Variants in ZNF827 observed in about 807,000 individuals in gnomAD.
ZNF827 encodes zinc finger protein 827.
ZNF827 carries 13 observed loss-of-function variants against 102.4 expected under a neutral mutation model. The ratio of observed to expected loss-of-function variants is 0.13; its 90% CI spans 0.08 to 0.20. ZNF827 has a LOEUF of 0.20. Among genes scored for constraint, ZNF827 ranks in the 10% least tolerant of loss-of-function variants. The pLI is 1.00. For synonymous variants in ZNF827, 523 were observed against 536.2 expected (o/e 0.98, Z 0.34); for missense variants, 1,103 against 1,344.4 (o/e 0.82, Z 2.81).
intron 11 of ZNF827, among the ~76,000 whole-genome samples, chr4:145,771,745 G>A (rs1372239227): frequency 6.6e-6 from 1 of 152,200 alleles, no homozygotes; most frequent in African/African-American, 2.4e-5. Flanking sequence ...CATGGGTTCT[G>A]TAGGAGACTA....
chr4:145,819,521 C>T (rs1742940005), intron 8 of ZNF827, among the ~76,000 whole-genome samples: 1 of 152,202 alleles, frequency 6.6e-6, no homozygotes, highest in African/African-American at 2.4e-5. Flanking sequence ...AATCACCTGA[C>T]CTCGGAATCT....
intron 4 of ZNF827, among the ~76,000 whole-genome samples, chr4:145,880,874 T>G (rs2126802112): frequency 6.6e-6 from 1 of 152,304 alleles, no homozygotes; most frequent in African/African-American, 2.4e-5. Context: ...ACTGCCGTCG[T>G]AGGGTGTGAA....
At chr4:145,898,471 T>C (rs980493989) in intron 2 of ZNF827, among the ~76,000 whole-genome samples, 1 of 152,214 alleles carries the variant, frequency 6.6e-6, no homozygotes. Flanking sequence ...CTTGTTGGCC[T>C]TCTACAAGAA....
intron 7 of ZNF827, chr4:145,830,449 T>C (rs1461575436): frequency 3.3e-5 from 5 of 152,212 alleles, no homozygotes; most frequent in African/African-American, 1.2e-4. Flanking sequence ...GAAAATAAGG[T>C]CACAACTGAA....
chr4:145,826,500 C>CA (rs1440401069), intron 7 of ZNF827, among the ~76,000 whole-genome samples: 1 of 152,146 alleles, frequency 6.6e-6, no homozygotes, highest in Non-Finnish European at 1.5e-5. Flanking sequence ...TCTGTGATTT[C>CA]AGTTATCCAC....
chr4:145,882,637 C>A (rs1033012455), intron 4 of ZNF827, among the ~76,000 whole-genome samples: 1 of 152,122 alleles, frequency 6.6e-6, no homozygotes, highest in Non-Finnish European at 1.5e-5. Flanking sequence ...AGAAAGACTC[C>A]CCTTAATAAC....
At chr4:145,805,789 C>T (rs529467991) in intron 8 of ZNF827, among the ~76,000 whole-genome samples, 3 of 152,072 alleles carry the variant, frequency 2.0e-5, no homozygotes, top group African/African-American at 4.8e-5. Context: ...CTGTCACTTC[C>T]GCGGTCAAGC....
At chr4:145,900,773 A>G (rs35444370) in intron 2 of ZNF827, among the ~76,000 whole-genome samples, 3,413 of 152,212 alleles carry the variant, frequency 0.022, 65 homozygotes, top group Non-Finnish European at 0.032. Context: ...TGAAATTTCT[A>G]TAAGTCAGGA....
chr4:145,909,057 C>T (rs1752080310), intron 1 of ZNF827, among the ~76,000 whole-genome samples: 1 of 152,128 alleles, frequency 6.6e-6, no homozygotes, highest in Admixed American at 6.5e-5. Context: ...GATAAATTAA[C>T]CCAATGAAAA....
intron 6 of ZNF827, among the ~76,000 whole-genome samples, chr4:145,848,288 A>G (rs1746178116): frequency 6.6e-6 from 1 of 152,212 alleles, no homozygotes; most frequent in Non-Finnish European, 1.5e-5. Context: ...CACAAATACC[A>G]TCCCTGTTTG....
chr4:145,875,867 G>C (rs1749106510), intron 4 of ZNF827, among the ~76,000 whole-genome samples: 1 of 152,156 alleles, frequency 6.6e-6, no homozygotes, highest in Non-Finnish European at 1.5e-5. Flanking sequence ...TGCTTCAGGG[G>C]TTCCAACAAA....
chr4:145,922,824 T>C (rs528219229), intron 1 of ZNF827, among the ~76,000 whole-genome samples: 35 of 152,300 alleles, frequency 2.3e-4, no homozygotes, highest in Admixed American at 2.3e-3. Context: ...GTAAGACTGA[T>C]ACTTCAAGGA....
chr4:145,936,898 G>A (rs1165664795), intron 1 of ZNF827, among the ~76,000 whole-genome samples: 2 of 152,068 alleles, frequency 1.3e-5, no homozygotes, highest in East Asian at 1.9e-4. Flanking sequence ...CCAAACCGCC[G>A]GGAGAGGGGA....
chr4:145,868,519 T>C (rs1748408071), intron 5 of ZNF827, among the ~76,000 whole-genome samples: 1 of 152,212 alleles, frequency 6.6e-6, no homozygotes, highest in Admixed American at 6.5e-5. Context: ...CATATACATT[T>C]AGAAGGACCA....
chr4:145,938,295 C>G, intron 1 of ZNF827, 70 bp downstream of exon 1: 1 of 1,573,204 alleles, frequency 6.4e-7, no homozygotes, highest in African/African-American at 1.3e-5. Context: ...ACGGAGGAGG[C>G]TGCGGAGGGG....
intron 1 of ZNF827, among the ~76,000 whole-genome samples, chr4:145,936,784 A>C (rs1318958916): frequency 6.6e-6 from 1 of 152,098 alleles, no homozygotes; most frequent in Non-Finnish European, 1.5e-5. Flanking sequence ...CCCTCCGTGA[A>C]CTTCAGGTGA....
chr4:145,935,729 A>G (rs960907795), intron 1 of ZNF827, among the ~76,000 whole-genome samples: 17 of 152,150 alleles, frequency 1.1e-4, no homozygotes, highest in African/African-American at 4.1e-4. Context: ...CACTCTGAAA[A>G]TATAACTTCA....
Position 145,774,608 on chromosome 4 carries a change from C to T in ZNF827, c.2758G>A (p.Val920Met), listed in dbSNP as rs745342753. ...GAAAACATCCACTGCTCCTTGTCCA[C>T]GTGGAGTGACATGTGGCTGACAAAC... ...VQFVSHMSLH[V>M]DKEQWMFSIC... Residue 920 changes from valine (V) to methionine (M), a missense_variant, in exon 11 of 15, where the codon GTG (valine) becomes ATG (methionine). Transcript: ENST00000508784. 5.0e-6 allele frequency: 8 copies of T among 1,613,640 alleles called. No individual in the cohort carries two copies. The highest frequency in any genetic ancestry group is 5.9e-6 in the Non-Finnish European group (7 of 1,179,926).
At position 145,775,838 on chromosome 4, in the gene ZNF827, C is replaced by T. The variant is rs778669248; in HGVS notation, c.2644G>A (p.Ala882Thr). ...VSTDTEDIVS[A>T]VTSEGSDGKK... Reference sequence around the variant, plus strand: ...CCATCACTGCCTTCAGAGGTGACGGCGCTGACAATGTCCTCGGTGTCTGTA... The same window carrying T: ...CCATCACTGCCTTCAGAGGTGACGGTGCTGACAATGTCCTCGGTGTCTGTA... The change falls in exon 10 of 15, where the codon GCC (alanine) becomes ACC (threonine). Residue 882 changes from alanine to threonine, a missense_variant. Ala to Thr is a moderately conservative substitution (Grantham distance 58). This residue lies in a region of ZNF827 where 242 missense variants were observed against 361.9 expected (regional missense o/e 0.67). Coordinates refer to ENST00000508784, the MANE Select transcript of ZNF827 (RefSeq NM_001306215.2). 13 of 1,614,066 alleles carry T rather than the reference C, an allele frequency of 8.1e-6. No homozygotes were observed. The highest frequency in any genetic ancestry group is 4.0e-5 in the African/African-American group (3 of 74,922).
Sources: gnomAD v4.1 joint callset for allele counts (sites outside exome capture counted in the v4.1 genomes callset) on GRCh38, gnomAD v4.1.1 for gene constraint, gnomAD v4.1.1 regional missense constraint, MANE v1.5 for transcripts, NCBI Gene and HGNC (gene_info 2026-07-23, HGNC 2026-07-21) for gene names.